ANKAR: variants seen among roughly 807,000 people sequenced by gnomAD.
ANKAR encodes ankyrin and armadillo repeat-containing protein.
A neutral mutation model predicts 146.2 loss-of-function variants in ANKAR; 136 were observed. The observed-to-expected ratio is 0.93, with a 90% CI of 0.81 to 1.07. ANKAR has a LOEUF of 1.07. Ranked by LOEUF, ANKAR falls within the 50% of genes least tolerant of loss-of-function variation. The pLI is 0.00. For synonymous variants in ANKAR, 500 were observed against 575.8 expected, an observed-to-expected ratio of 0.87 and a Z score of 1.88; for missense variants, 1,567 against 1,679.9, an observed-to-expected ratio of 0.93 and a Z score of 1.18.
chr2:189,694,464 T>G (rs1384828339), intron 5 of ANKAR, among the ~76,000 whole-genome samples: 1 of 152,140 alleles, frequency 6.6e-6, no homozygotes, highest in Non-Finnish European at 1.5e-5. Flanking sequence ...TTTTATCAAT[T>G]TTCCATTCCA....
intron 1 of ANKAR, chr2:189,675,922 TC>T (rs928886912): frequency 2.4e-4 from 37 of 153,640 alleles, no homozygotes; most frequent in African/African-American, 8.4e-4. Context: ...TCTCTATTGT[TC>T]CGTCTCTTAC....
chr2:189,746,891 T>C, downstream of ANKAR: 1 of 257,386 alleles, frequency 3.9e-6, no homozygotes, highest in Non-Finnish European at 7.3e-6. Context: ...GTATAACTAG[T>C]GTATATATCA....
intron 9 of ANKAR, among the ~76,000 whole-genome samples, chr2:189,710,631 C>T (rs1485082780): frequency 1.3e-5 from 2 of 152,022 alleles, no homozygotes; most frequent in African/African-American, 4.8e-5. Flanking sequence ...AAAATGCTGT[C>T]TCTGCAAAAA....
rs771361708 is a variant in ANKAR, at chr2:189,711,094, T to C, written c.2165T>C (p.Met722Thr). Residue 722 changes from methionine (M) to threonine (T), a missense_variant, in exon 10 of 23, where the codon ATG (methionine) becomes ACG (threonine). Met to Thr is a moderately conservative substitution (Grantham distance 81). Transcript: ENST00000684021. ...ESYKRRMMAV[M>T]SLEVICLAND... ...TATAAACGAAGGATGATGGCCGTCA[T>C]GTCCTTGGAAGTAATTTGCTTAGCA... 11 of 1,614,172 alleles carry C rather than the reference T, an allele frequency of 6.8e-6. No homozygotes were observed. Among genetic ancestry groups the C allele is most frequent in the Non-Finnish European group, 8.5e-6 (10 of 1,180,006 alleles).
chr2:189,761,517 T>A (rs1272660163), downstream of ANKAR: 1 of 1,613,180 alleles, frequency 6.2e-7, no homozygotes, highest in Non-Finnish European at 8.5e-7. Context: ...CTAGTTTCAA[T>A]TCCCAATACT....
At chr2:189,748,928 T>C (rs1194931278), downstream of ANKAR, among the ~76,000 whole-genome samples, 1 of 152,064 alleles carries the variant, frequency 6.6e-6, no homozygotes, top group Non-Finnish European at 1.5e-5. Flanking sequence ...TTATACTACT[T>C]CTCCTATAAA....
At position 189,678,320 on chromosome 2, in the gene ANKAR, C is replaced by G. The variant is rs2034086737; in HGVS notation, c.601+1229C>G. Among the ~76,000 whole-genome samples, 6 of 151,926 alleles carry G rather than the reference C, an allele frequency of 3.9e-5. No individual in the cohort carries two copies. The South Asian group carries it at 1.2e-3, about 32-fold the overall frequency. On this transcript the variant is annotated intron_variant, in intron 2 of 22. Transcript: ENST00000684021. Reference sequence around the variant, plus strand: ...TTTTCTTGCTAATTTGTTTGAGTTCCTGGTAGATTCCGGATATTAGTCCTT... The same window carrying G: ...TTTTCTTGCTAATTTGTTTGAGTTCGTGGTAGATTCCGGATATTAGTCCTT...
At chr2:189,717,417 C>A (rs1302275348) in intron 10 of ANKAR, among the ~76,000 whole-genome samples, 1 of 152,108 alleles carries the variant, frequency 6.6e-6, no homozygotes, top group African/African-American at 2.4e-5. Flanking sequence ...GAATGGAGAT[C>A]ATTAAAAAGT....
At chr2:189,720,239 A>G (rs116423098) in intron 11 of ANKAR, among the ~76,000 whole-genome samples, 4,410 of 151,886 alleles carry the variant, frequency 0.029, 77 homozygotes, top group Non-Finnish European at 0.041. Context: ...AAGATTACAG[A>G]CTTGTGTTTC....
rs777985672 is a variant in ANKAR at position 189,676,945 on chromosome 2, A to G, written c.455A>G (p.Tyr152Cys). The change falls in exon 2 of 23, where the codon TAC (tyrosine) becomes TGC (cysteine). Residue 152 changes from tyrosine to cysteine, a missense_variant. Transcript: ENST00000684021. Reference sequence around the variant, plus strand: ...GGGCAAATTCTGATCAATATTGACTACATGCTGAAAGCACTATGGCATGGA... The same window carrying G: ...GGGCAAATTCTGATCAATATTGACTGCATGCTGAAAGCACTATGGCATGGA... ...RIGQILINID[Y>C]MLKALWHGIY... 2 of 1,614,012 alleles carry G rather than the reference A, an allele frequency of 1.2e-6. No individual in the cohort carries two copies. Among genetic ancestry groups the G allele is most frequent in the Non-Finnish European group, 1.7e-6 (2 of 1,180,044 alleles).
Position 189,695,128 on chromosome 2 carries a change from A to C in ANKAR, c.1455A>C (p.Lys485Asn). 6.2e-7 allele frequency: 1 copy of C among 1,607,244 alleles called. No individual in the cohort carries two copies. The highest frequency in any genetic ancestry group is 8.5e-7 in the Non-Finnish European group (1 of 1,178,080). The change falls in exon 6 of 23, where the codon AAA (lysine) becomes AAC (asparagine). Residue 485 changes from lysine (K) to asparagine (N), a missense_variant. By Grantham distance (94) the Lys-to-Asn change is moderately conservative. Coordinates refer to ENST00000684021, the MANE Select transcript of ANKAR (RefSeq NM_001378068.1). Reference protein sequence around the residue: ...TDAQLHEQFKKKLGFKRAMKC... With the variant: ...TDAQLHEQFKNKLGFKRAMKC... ...CTCAATTACATGAACAATTTAAGAA[A>C]AAGCTTGGTTTCAAAAGAGCTATGA...
Position 189,695,104 on chromosome 2 carries a change from T to A in ANKAR, c.1431T>A (p.Ala477=). Residue 477 remains alanine (A), a synonymous_variant, in exon 6 of 23, where the codon GCT becomes GCA. Coordinates refer to ENST00000684021, the MANE Select transcript of ANKAR (RefSeq NM_001378068.1). ...LRLKRLPLTD[A]QLHEQFKKKL... ...TGAAAAGACTTCCACTGACAGATGCTCAATTACATGAACAATTTAAGAAAA... is the reference window on the plus strand; with the variant it reads ...TGAAAAGACTTCCACTGACAGATGCACAATTACATGAACAATTTAAGAAAA... 1 of 1,610,616 alleles carries A rather than the reference T, an allele frequency of 6.2e-7. No individual in the cohort carries two copies. Among genetic ancestry groups the A allele is most frequent in the African/African-American group, 1.3e-5 (1 of 74,774 alleles).
chr2:189,710,446 A>C (rs2039534803), intron 9 of ANKAR, among the ~76,000 whole-genome samples: 1 of 152,182 alleles, frequency 6.6e-6, no homozygotes, highest in Admixed American at 6.5e-5. Flanking sequence ...AGGGAGTTGT[A>C]TTATTTTCCA....
chr2:189,706,626 T>A (rs2038988112), intron 8 of ANKAR, among the ~76,000 whole-genome samples: 1 of 152,186 alleles, frequency 6.6e-6, no homozygotes, highest in Non-Finnish European at 1.5e-5. Context: ...TTGCCTTGCT[T>A]TTTCCTTCAC....
intron 15 of ANKAR, 125 bp from the exon 16 acceptor site, chr2:189,730,370 C>A (rs2042293446): frequency 4.5e-6 from 2 of 448,980 alleles, no homozygotes; most frequent in African/African-American, 2.0e-5. Context: ...TATAGCATAC[C>A]CCTTTGTAAC....
intron 7 of ANKAR, among the ~76,000 whole-genome samples, chr2:189,703,995 T>C (rs2038465218): frequency 6.6e-6 from 1 of 152,078 alleles, no homozygotes; most frequent in Admixed American, 6.5e-5. Context: ...CGAGATGAGA[T>C]TTGGGTGGGG....
chr2:189,710,902 A>G (rs1242664561), intron 9 of ANKAR, 147 bp from the exon 10 acceptor site: 1 of 634,718 alleles, frequency 1.6e-6, no homozygotes, highest in African/African-American at 1.8e-5. Context: ...GGAGCTGTGC[A>G]CAGAGGGGAA....
intron 7 of ANKAR, among the ~76,000 whole-genome samples, chr2:189,703,826 G>C (rs1470766493): frequency 6.6e-6 from 1 of 152,056 alleles, no homozygotes; most frequent in Non-Finnish European, 1.5e-5. Flanking sequence ...GGAAGAAGTG[G>C]TCAATGGTGT....
At chr2:189,722,488 G>C (rs961224029) in intron 12 of ANKAR, among the ~76,000 whole-genome samples, 1 of 151,808 alleles carries the variant, frequency 6.6e-6, no homozygotes, top group Non-Finnish European at 1.5e-5. Flanking sequence ...ATAGGGACTA[G>C]GTCTTCTCTT....
Sources: gnomAD v4.1 joint callset for allele counts (sites outside exome capture counted in the v4.1 genomes callset) on GRCh38, gnomAD v4.1.1 for gene constraint, MANE v1.5 for transcripts, NCBI Gene and HGNC (gene_info 2026-07-23, HGNC 2026-07-21) for gene names.